Variants in CFAP65 observed in about 807,000 individuals in gnomAD.
The protein encoded by CFAP65 is cilia- and flagella-associated protein 65.
CFAP65 carries 155 observed loss-of-function variants against 208.0 expected under a neutral mutation model. The observed-to-expected ratio is 0.75, with a 90% CI of 0.65 to 0.85. The LOEUF is 0.85. Among genes scored for constraint, CFAP65 ranks in the 40% least tolerant of loss-of-function variants. The pLI is 0.00. For missense variants in CFAP65, 2,294 were observed against 2,451.3 expected (o/e 0.94, Z 1.36); for synonymous variants, 970 against 986.3 (o/e 0.98, Z 0.31).
At position 219,030,734 on chromosome 2, in the gene CFAP65, C is replaced by T. The variant is rs991263879; in HGVS notation, c.1116G>A (p.Val372=). 2 of 1,614,198 alleles carry T rather than the reference C, an allele frequency of 1.2e-6. No homozygotes were observed. Among genetic ancestry groups the T allele is most frequent in the Non-Finnish European group, 1.7e-6 (2 of 1,180,014 alleles). Residue 372 remains valine (V), a synonymous_variant, in exon 9 of 35, where the codon GTG becomes GTA. Coordinates refer to ENST00000341552, the MANE Select transcript of CFAP65 (RefSeq NM_194302.4). ...QKLLYFGSVA[V]GCTSERQIRL... is the part of the protein sequence containing the mutation. ...TGATCTGCCTCTCCGAGGTGCAGCC[C>T]ACAGCAACAGAGCCAAAGTACAACA... is the stretch of plus-strand genomic sequence containing the variant.
At chr2:219,026,199 G>T (rs1947621307) in intron 13 of CFAP65, 40 bp from the exon 14 acceptor site, 2 of 1,590,522 alleles carry the variant, frequency 1.3e-6, no homozygotes, top group African/African-American at 2.7e-5. Flanking sequence ...TCAGAGTCCT[G>T]TGTCTGCCCT....
intron 29 of CFAP65, among the ~76,000 whole-genome samples, chr2:219,007,595 G>T (rs1368613140): frequency 6.6e-6 from 1 of 152,116 alleles, no homozygotes; most frequent in Admixed American, 6.6e-5. Flanking sequence ...ACCAGTGTAG[G>T]AAGGTTGTGA....
At chr2:219,035,225 A>C in intron 5 of CFAP65, 2 of 1,237,754 alleles carry the variant, frequency 1.6e-6, no homozygotes, top group Non-Finnish European at 2.2e-6. Flanking sequence ...CAACAGTCCC[A>C]AATAGAAACA....
chr2:219,024,278 G>C lies in CFAP65; in HGVS notation c.2350-18C>G. On this transcript the variant is annotated intron_variant, in intron 14 of 34. Transcript: ENST00000341552. ...GGAAATAGCTGGGGGTGGGAGAGGA[G>C]GAAAGCGGCCCCCCGCTCAGACCTC... The C allele has an allele frequency of 6.2e-7, 1 of 1,602,862 alleles. No individual in the cohort carries two copies.
chr2:219,005,602 A>G (rs1945911343), intron 31 of CFAP65, 40 bp from the exon 32 acceptor site: 2 of 1,607,152 alleles, frequency 1.2e-6, no homozygotes, highest in South Asian at 1.1e-5. Context: ...TGGGCAAGCC[A>G]CCATGCTGGG....
intron 1 of CFAP65, 96 bp from the exon 2 acceptor site, chr2:219,040,660 T>C: frequency 6.5e-7 from 1 of 1,536,356 alleles, no homozygotes; most frequent in Non-Finnish European, 8.8e-7. Flanking sequence ...CAGGGGACTG[T>C]ACAGACAGCT....
intron 16 of CFAP65, 106 bp downstream of exon 16, chr2:219,023,101 G>T: frequency 1.1e-6 from 1 of 891,954 alleles, no homozygotes; most frequent in Non-Finnish European, 1.8e-6. Context: ...AAGTTACTGT[G>T]GATGGAATTG....
rs773342445 is a variant in CFAP65 at position 219,038,450 on chromosome 2, A to G, written c.282T>C (p.Ser94=). 119 of 1,613,894 alleles carry G rather than the reference A, an allele frequency of 7.4e-5. No homozygotes were observed. The highest frequency in any genetic ancestry group is 9.9e-5 in the Non-Finnish European group (117 of 1,180,028). Residue 94 remains serine, a synonymous_variant, in exon 4 of 35, where the codon AGT becomes AGC. Coordinates refer to ENST00000341552, the MANE Select transcript of CFAP65 (RefSeq NM_194302.4). ...HTVNSGGSCL[S]ASTVAIPAIN... ...TGGCAGGGATGGCCACTGTGCTGGCACTCAGGCAGGATCCACCAGAGTTCA... is the reference window on the plus strand; with the variant it reads ...TGGCAGGGATGGCCACTGTGCTGGCGCTCAGGCAGGATCCACCAGAGTTCA...
intron 29 of CFAP65, among the ~76,000 whole-genome samples, chr2:219,008,298 A>T (rs1392665709): frequency 6.6e-6 from 1 of 152,164 alleles, no homozygotes. Flanking sequence ...CCCAGATGTC[A>T]CAGTACCCAC....
rs1466139745 is a variant in CFAP65 at position 219,031,489 on chromosome 2, C to A, written c.815G>T (p.Gly272Val). The change falls in exon 7 of 35, where the codon GGG (glycine) becomes GTG (valine). Residue 272 changes from glycine (G) to valine (V), a missense_variant and splice_region_variant. By Grantham distance (109) the Gly-to-Val change is moderately radical (BLOSUM62 -3). Coordinates refer to ENST00000341552, the MANE Select transcript of CFAP65 (RefSeq NM_194302.4). This position sits in a 1 kb window ranked among gnomAD's most constrained non-coding sequence, Gnocchi z 5.2. ...CGCCGCACCTCAGCCTCTTCCTCAC[C>A]CCACATTATCCAGGCAGAAAAAGGC... ...TEAFFCLDNV[G>V]DLPTFFTWEF... 1 of 1,614,108 alleles carries A rather than the reference C, an allele frequency of 6.2e-7. No individual in the cohort carries two copies. The highest frequency in any genetic ancestry group is 8.5e-7 in the Non-Finnish European group (1 of 1,180,054).
At position 219,004,885 on chromosome 2, in the gene CFAP65, TTCTCTC is replaced by T. The variant is rs58105158; in HGVS notation, c.5052-436_5052-431del. Among the ~76,000 whole-genome samples the T allele has an allele frequency of 2.7e-5, 4 of 147,556 alleles. No homozygotes were observed. The highest frequency in any genetic ancestry group is 1.1e-4 in the African/African-American group (4 of 37,948). ...AAGAAGTTCTGTTTCTTTTTTTCTT[TTCTCTC>T]TCTCTCTATTTCTCTCTTTCTTTCT... On this transcript the variant is annotated intron_variant, in intron 32 of 34. Transcript: ENST00000341552. This position sits in a 1 kb window ranked among gnomAD's most constrained non-coding sequence, Gnocchi z 4.7.
rs145124924 is a variant in CFAP65, at chr2:219,027,991, C to T, written c.1870G>A (p.Ala624Thr). 54 of 1,517,180 alleles carry T rather than the reference C, an allele frequency of 3.6e-5. No individual in the cohort carries two copies. In the African/African-American group the frequency reaches 5.8e-4, roughly 16 times the overall value. The allele number at this position is 1,517,180 out of a possible 1,614,324, so 94.0% of individuals were successfully genotyped here. ...IPIQDLEDMP[A>T]PQYPYIPPMT... ...GGGGGGATATAAGGGTACTGCGGGG[C>T]CGGCATGTCCTCCAGATCCTGCATG... Residue 624 changes from alanine to threonine, a missense_variant, in exon 13 of 35, where the codon GCC becomes ACC. Ala to Thr is a moderately conservative substitution (Grantham distance 58, BLOSUM62 0). Transcript: ENST00000341552.
At chr2:219,038,627 G>A in intron 3 of CFAP65, 49 bp from the exon 4 acceptor site, 1 of 1,515,318 alleles carries the variant, frequency 6.6e-7, no homozygotes, top group Non-Finnish European at 9.1e-7. Context: ...ATGAGAAAGA[G>A]AGGCTGAGGG....
intron 13 of CFAP65, chr2:219,026,844 T>C (rs1191464762): frequency 1.0e-6 from 1 of 986,358 alleles, no homozygotes; most frequent in Non-Finnish European, 1.2e-6. Flanking sequence ...ACCTTATTCC[T>C]ACAAACCTCA....
At position 219,004,227 on chromosome 2, in the gene CFAP65, CT is replaced by C. The variant is rs770323664; in HGVS notation, c.5279del (p.Lys1760ArgfsTer36). 2 of 1,614,086 alleles carry C rather than the reference CT, an allele frequency of 1.2e-6. No individual in the cohort carries two copies. Among genetic ancestry groups the C allele is most frequent in the Non-Finnish European group, 1.7e-6 (2 of 1,180,026 alleles). ...CACCCTTCTCCTCCTCCCCCTCTTC[CT>C]TCTTTCCCAACCCTGGATAGTGCTC... ...RPEHYPGLGKKEEGEEEKGEE... is the reference protein window; with the variant it reads ...RPEHYPGLGKXEEGEEEKGEE... On this transcript the variant is annotated frameshift_variant, in exon 33 of 35. Coordinates refer to ENST00000341552, the MANE Select transcript of CFAP65 (RefSeq NM_194302.4). LOFTEE classifies it high-confidence loss of function. The surrounding 1 kb of genome is among the most constrained non-coding windows in gnomAD (Gnocchi z 4.7).
rs1343641754 is a variant in CFAP65 at position 219,009,450 on chromosome 2, C to G, written c.4463G>C (p.Ser1488Thr). Residue 1488 changes from serine to threonine, a missense_variant, in exon 28 of 35, where the codon AGT becomes ACT. By Grantham distance (58) the Ser-to-Thr change is moderately conservative (BLOSUM62 1). Transcript: ENST00000341552. ...SPLDFGEVSV[S>T]PMIGVVAPEE... ...AGGAGCCACCACCCCTATCATGGGACTCACAGACACCTGTTGATTTGGGGA... is the reference window on the plus strand; with the variant it reads ...AGGAGCCACCACCCCTATCATGGGAGTCACAGACACCTGTTGATTTGGGGA... 1 of 1,610,596 alleles carries G rather than the reference C, an allele frequency of 6.2e-7. No individual in the cohort carries two copies. Among genetic ancestry groups the G allele is most frequent in the Non-Finnish European group, 8.5e-7 (1 of 1,178,062 alleles).
rs749058775 is a variant in CFAP65, at chr2:219,024,062, G to A, written c.2548C>T (p.Gln850Ter). Residue 850 changes from glutamine to a stop codon, truncating the protein, a stop_gained, in exon 15 of 35, where the codon CAG becomes TAG. Coordinates refer to ENST00000341552, the MANE Select transcript of CFAP65 (RefSeq NM_194302.4). LOFTEE classifies it high-confidence loss of function. ...TTGCACTGCAGATAGAAAGTGTGCTGCTTCCAGGAGCTGCCCTCAGGGTAG... is the reference window on the plus strand; with the variant it reads ...TTGCACTGCAGATAGAAAGTGTGCTACTTCCAGGAGCTGCCCTCAGGGTAG... Reference protein sequence around the residue: ...CTYPEGSSWKQHTFYLQCNAS... With the variant: ...CTYPEGSSWK 1.9e-6 allele frequency: 3 copies of A among 1,614,062 alleles called. No individual in the cohort carries two copies. The highest frequency in any genetic ancestry group is 2.5e-6 in the Non-Finnish European group (3 of 1,180,024).
In CFAP65 at chr2:219,030,690, G is replaced by T; in HGVS notation, c.1160C>A (p.Ala387Glu). The T allele has an allele frequency of 1.9e-6, 3 of 1,612,630 alleles. No individual in the cohort carries two copies. Among genetic ancestry groups the T allele is most frequent in the East Asian group, 2.2e-5 (1 of 44,846 alleles). ...CCGCCCCTCCTGCCTGGTGCCTACC[G>T]CCGACGGGTTGTGTAGCCTGATCTG... ...ERQIRLHNPS[A>E]VNAPFRIEIS... The change falls in exon 9 of 35, where the codon GCG becomes GAG. Residue 387 changes from alanine to glutamate, a missense_variant and splice_region_variant. Physicochemically the swap from Ala to Glu is moderately radical, Grantham distance 107. Around this residue, in one of 2 missense-constraint regions of CFAP65, gnomAD observed 867 missense variants for 1,012.6 expected, o/e 0.86. Coordinates refer to ENST00000341552, the MANE Select transcript of CFAP65 (RefSeq NM_194302.4).
chr2:219,010,728 TA>T (rs1429396950), intron 25 of CFAP65, 24 bp from the exon 26 acceptor site: 6 of 1,595,212 alleles, frequency 3.8e-6, no homozygotes, highest in Non-Finnish European at 5.1e-6. Context: ...AGGGTGGGGG[TA>T]GGGACTGGTC....
Sources: allele counts gnomAD v4.1 joint callset (sites outside exome capture counted in the v4.1 genomes callset), GRCh38; gene constraint gnomAD v4.1.1; regional missense constraint gnomAD v4.1.1; non-coding constraint Gnocchi (gnomAD v3.1); transcripts MANE v1.5; gene names NCBI Gene and HGNC (gene_info 2026-07-23, HGNC 2026-07-21).